Variants in CTXND1 observed in about 807,000 individuals in gnomAD.
The protein encoded by CTXND1 is cortexin domain containing 1.
chr15:80,229,670 C>T (rs1595908122), intron 1 of CTXND1, among the ~76,000 whole-genome samples: 2 of 152,282 alleles, frequency 1.3e-5, no homozygotes, highest in Admixed American at 1.3e-4. Context: ...GGTATTTTGG[C>T]TTTGAAAAGC....
At chr15:80,214,301 A>G (rs1567129806) in intron 1 of CTXND1, among the ~76,000 whole-genome samples, 1 of 152,090 alleles carries the variant, frequency 6.6e-6, no homozygotes, top group Non-Finnish European at 1.5e-5. Context: ...ACATTTAAAG[A>G]TATTCAAAAT....
chr15:80,241,229 C>T (rs555943378), intron 1 of CTXND1, among the ~76,000 whole-genome samples: 93 of 152,248 alleles, frequency 6.1e-4, no homozygotes, highest in African/African-American at 2.2e-3. Flanking sequence ...AGACCACTCT[C>T]CAGGGTCAGG....
Position 80,201,899 on chromosome 15 carries a change from C to T in CTXND1, c.51G>A (p.Leu17=). 1 of 398,862 alleles carries T rather than the reference C, an allele frequency of 2.5e-6. No homozygotes were observed. Among genetic ancestry groups the T allele is most frequent in the Non-Finnish European group, 4.4e-6 (1 of 226,194 alleles). 24.7% of individuals were successfully genotyped at this position (398,862 alleles called of 1,614,324 possible). A position where few individuals can be genotyped will look rare whatever the true frequency, so the allele number is the denominator to read the frequency against. ...EPVYVDVDKG[L]TLACFVFLCL... Reference sequence around the variant, plus strand: ...AGAGGAAGACGAAGCAGGCCAAGGTCAGCCCTTTGTCTACGTCGACATAGA... The same window carrying T: ...AGAGGAAGACGAAGCAGGCCAAGGTTAGCCCTTTGTCTACGTCGACATAGA... Residue 17 remains leucine (L), a synonymous_variant, in exon 3 of 3, where the codon CTG becomes CTA. Transcript: ENST00000560778.
At chr15:80,250,336 T>A (rs1186823824) in intron 1 of CTXND1, among the ~76,000 whole-genome samples, 1 of 152,180 alleles carries the variant, frequency 6.6e-6, no homozygotes, top group Non-Finnish European at 1.5e-5. Context: ...TGAGCTAGTT[T>A]TTTTTTTTCA....
At chr15:80,241,353 C>G (rs911657881) in intron 1 of CTXND1, among the ~76,000 whole-genome samples, 9 of 152,180 alleles carry the variant, frequency 5.9e-5, no homozygotes, top group African/African-American at 2.2e-4. Flanking sequence ...AAACGCTGGG[C>G]TTCTCAAATG....
At position 80,200,333 on chromosome 15, in the gene CTXND1, G is replaced by A. The variant is rs1255658537; in HGVS notation, c.*1437C>T. 2 of 152,210 alleles carry A rather than the reference G, an allele frequency of 1.3e-5. No individual in the cohort carries two copies. The highest frequency in any genetic ancestry group is 4.8e-5 in the African/African-American group (2 of 41,434). 9.4% of individuals were successfully genotyped at this position (152,210 alleles called of 1,614,324 possible). A position where few individuals can be genotyped will look rare whatever the true frequency, so the allele number is the denominator to read the frequency against. ...TAGATGTTATTCCCTCACTTTACAG[G>A]TGAGGAAATTGGGGCTCAGAGAGGC... is the stretch of plus-strand genomic sequence containing the variant. On this transcript the variant is annotated 3_prime_UTR_variant, in exon 3 of 3. Coordinates refer to ENST00000560778, the MANE Select transcript of CTXND1 (RefSeq NM_001352888.2).
chr15:80,249,298 A>G (rs1401418449), intron 1 of CTXND1, among the ~76,000 whole-genome samples: 2 of 151,964 alleles, frequency 1.3e-5, no homozygotes, highest in Non-Finnish European at 2.9e-5. Flanking sequence ...CTTTTCCATC[A>G]CGCCATCCTA....
At chr15:80,216,382 T>C (rs75861542) in intron 1 of CTXND1, among the ~76,000 whole-genome samples, 2,259 of 152,320 alleles carry the variant, frequency 0.015, 49 homozygotes, top group African/African-American at 0.051. Context: ...GAAGAGAGGT[T>C]TCTTTTCCAA....
chr15:80,207,059 G>A (rs1893154758), intron 1 of CTXND1, among the ~76,000 whole-genome samples: 1 of 152,082 alleles, frequency 6.6e-6, no homozygotes, highest in Admixed American at 6.5e-5. Flanking sequence ...CCTTCTCTTT[G>A]GTTTTCAGCA....
At chr15:80,232,681 A>G (rs1263922379) in intron 1 of CTXND1, among the ~76,000 whole-genome samples, 1 of 152,022 alleles carries the variant, frequency 6.6e-6, no homozygotes, top group African/African-American at 2.4e-5. Context: ...GAAGCCCCCA[A>G]ATAAAACTCT....
At position 80,226,406 on chromosome 15, in the gene CTXND1, T is replaced by G. The variant is rs1275796987; in HGVS notation, c.-217-22666A>C. On this transcript the variant is annotated intron_variant, in intron 1 of 2. Transcript: ENST00000560778. Reference sequence around the variant, plus strand: ...AAAAAAAATTAGGACATGTTTCTTTTGTAACTCCCACTCAGTATCTGCTGT... The same window carrying G: ...AAAAAAAATTAGGACATGTTTCTTTGGTAACTCCCACTCAGTATCTGCTGT... 9.1e-4 allele frequency among the ~76,000 whole-genome samples: 138 copies of G among 152,184 alleles called. 1 individual carries two copies. Among genetic ancestry groups the G allele is most frequent in the Non-Finnish European group, 7.4e-5 (5 of 68,020 alleles).
rs78775434 is a variant in CTXND1, at chr15:80,230,826, G to A, written c.-218+21181C>T. Among the ~76,000 whole-genome samples, 1,241 of 152,262 alleles carry A rather than the reference G, an allele frequency of 8.2e-3. 10 individuals carry two copies. The highest frequency in any genetic ancestry group is 0.012 in the Non-Finnish European group (848 of 68,026). On this transcript the variant is annotated intron_variant, in intron 1 of 2. Coordinates refer to ENST00000560778, the MANE Select transcript of CTXND1 (RefSeq NM_001352888.2). ...AATCTCAGCAGTCCAAGGACGCTGAGGCAGGTGGATCACCTGAAGTCAGGA... is the reference window on the plus strand; with the variant it reads ...AATCTCAGCAGTCCAAGGACGCTGAAGCAGGTGGATCACCTGAAGTCAGGA...
chr15:80,218,397 C>G (rs1893276275), intron 1 of CTXND1, among the ~76,000 whole-genome samples: 1 of 152,184 alleles, frequency 6.6e-6, no homozygotes, highest in African/African-American at 2.4e-5. Flanking sequence ...ACCTGGCCTC[C>G]TAAAGTGCTG....
At chr15:80,204,146 CAAAAAA>C (rs1173053524) in intron 1 of CTXND1, among the ~76,000 whole-genome samples, 4 of 2,148 alleles carry the variant, frequency 1.9e-3, no homozygotes, top group African/African-American at 4.6e-3. Flanking sequence ...GACTGTGTCT[CAAAAAA>C]AAAAAAAAAA....
At chr15:80,203,807 A>C (rs948810774) in intron 1 of CTXND1, 67 bp from the exon 2 acceptor site, 1 of 151,604 alleles carries the variant, frequency 6.6e-6, no homozygotes, top group Non-Finnish European at 1.5e-5. Flanking sequence ...TTTGATGTGG[A>C]CTCGCCTGGG....
intron 1 of CTXND1, among the ~76,000 whole-genome samples, chr15:80,206,570 T>A (rs1427805827): frequency 6.6e-6 from 1 of 152,226 alleles, no homozygotes; most frequent in Non-Finnish European, 1.5e-5. Flanking sequence ...TGATTCTTAC[T>A]CTTATTTTCT....
At chr15:80,242,636 T>G (rs1893583608) in intron 1 of CTXND1, among the ~76,000 whole-genome samples, 1 of 152,240 alleles carries the variant, frequency 6.6e-6, no homozygotes, top group Non-Finnish European at 1.5e-5. Context: ...ATGTTTGGGC[T>G]GCAGACTGGC....
chr15:80,204,247 T>TA (rs1434626605), intron 1 of CTXND1, among the ~76,000 whole-genome samples: 1 of 141,514 alleles, frequency 7.1e-6, no homozygotes, highest in Non-Finnish European at 1.5e-5. Context: ...TTTATAAACT[T>TA]AAAAAAATGT....
Position 80,195,785 on chromosome 15 carries a change from A to C in CTXND1, c.*5985T>G, listed in dbSNP as rs1028930455. The C allele has an allele frequency of 6.6e-6, 1 of 152,166 alleles. No homozygotes were observed. The highest frequency in any genetic ancestry group is 2.4e-5 in the African/African-American group (1 of 41,432). The allele number at this position is 152,166 out of a possible 1,614,324, so 9.4% of individuals were successfully genotyped here. ...TATGAACTTTGGGGGACACATTCAA[A>C]CCACAGCATATTCATCTCAGCATAT... is the stretch of plus-strand genomic sequence containing the variant. On this transcript the variant is annotated 3_prime_UTR_variant, in exon 3 of 3. Transcript: ENST00000560778.
Sources: gnomAD v4.1 joint callset for allele counts (sites outside exome capture counted in the v4.1 genomes callset) on GRCh38, gnomAD v4.1.1 for gene constraint, MANE v1.5 for transcripts, NCBI Gene and HGNC (gene_info 2026-07-23, HGNC 2026-07-21) for gene names.